The following CNTNAP4 variants were observed in gnomAD, a reference collection of about 807,000 sequenced individuals.
CNTNAP4 encodes contactin associated protein family member 4, also known as contactin-associated protein-like 4.
A neutral mutation model predicts 148.4 loss-of-function variants in CNTNAP4; 98 were observed. That is an observed-to-expected ratio of 0.66 (90% CI 0.56 to 0.78). CNTNAP4 has a LOEUF of 0.78. Among genes scored for constraint, CNTNAP4 ranks in the 30% least tolerant of loss-of-function variants. The pLI is 0.00. For synonymous variants in CNTNAP4, 730 were observed against 565.1 expected (o/e 1.29, Z -4.14); for missense variants, 1,935 against 1,565.6 (o/e 1.24, Z -3.98).
intron 15 of CNTNAP4, among the ~76,000 whole-genome samples, chr16:76,516,525 A>G (rs1261770015): frequency 2.6e-5 from 4 of 152,112 alleles, no homozygotes; most frequent in African/African-American, 9.7e-5. Flanking sequence ...ATGGTTTGCA[A>G]CTCTCATACA....
At chr16:76,416,695 T>A (rs897865650) in intron 3 of CNTNAP4, among the ~76,000 whole-genome samples, 4 of 151,332 alleles carry the variant, frequency 2.6e-5, no homozygotes, top group Non-Finnish European at 5.9e-5. Flanking sequence ...TTAAGATGAG[T>A]GTGTCTGCTG....
intron 13 of CNTNAP4, among the ~76,000 whole-genome samples, chr16:76,490,385 A>C (rs1481353858): frequency 6.6e-6 from 1 of 152,214 alleles, no homozygotes; most frequent in Non-Finnish European, 1.5e-5. Flanking sequence ...AGGAGGAATC[A>C]GAAAACCATC....
chr16:76,362,779 CA>C (rs924959335), intron 3 of CNTNAP4, among the ~76,000 whole-genome samples: 2 of 151,982 alleles, frequency 1.3e-5, no homozygotes, highest in African/African-American at 4.8e-5. Context: ...GGGTGAGGAT[CA>C]AAAAACTACC....
chr16:76,466,608 T>C (rs1041162520), intron 9 of CNTNAP4, among the ~76,000 whole-genome samples: 3 of 152,062 alleles, frequency 2.0e-5, no homozygotes, highest in Admixed American at 1.3e-4. Flanking sequence ...TCCACTTGGA[T>C]AGAGAAACAT....
intron 1 of CNTNAP4, among the ~76,000 whole-genome samples, chr16:76,297,004 C>T (rs1451979960): frequency 5.9e-5 from 9 of 152,142 alleles, no homozygotes; most frequent in Non-Finnish European, 2.9e-5. Flanking sequence ...TGAAGAAAAA[C>T]CCAGAAGGTT....
chr16:76,450,781 G>T (rs2080434169), intron 7 of CNTNAP4, among the ~76,000 whole-genome samples: 1 of 152,180 alleles, frequency 6.6e-6, no homozygotes. Flanking sequence ...AAATATAGCT[G>T]TCTTGGTTAG....
rs148236053 is a variant in CNTNAP4, at chr16:76,560,540, T to C, written c.*1857T>C. The stretch of plus-strand genomic sequence containing the variant: ...AACATCATTATATCTCTGAATCTTT[T>C]GCAGATGTTCATGTTATTTAGTAGC... On this transcript the variant is annotated 3_prime_UTR_variant, in exon 24 of 24. Coordinates refer to ENST00000611870, the MANE Select transcript of CNTNAP4 (RefSeq NM_033401.5). 2.4e-4 allele frequency among the ~76,000 whole-genome samples: 36 copies of C among 152,302 alleles called. No individual in the cohort carries two copies. Among genetic ancestry groups the C allele is most frequent in the African/African-American group, 7.2e-4 (30 of 41,572 alleles).
At position 76,535,694 on chromosome 16, in the gene CNTNAP4, T is replaced by C. The variant is rs1425873220; in HGVS notation, c.2905T>C (p.Cys969Arg). Residue 969 changes from cysteine (C) to arginine (R), a missense_variant, in exon 18 of 24, where the codon TGC becomes CGC. Physicochemically the swap from Cys to Arg is radical, Grantham distance 180. Transcript: ENST00000611870. ...ACATTGCAGCAGCTATGGGAAGTTA[T>C]GCCGCAATGGAGGGAAATGCAGAGA... ...RGHCSSYGKLCRNGGKCRERP... is the reference protein window; with the variant it reads ...RGHCSSYGKLRRNGGKCRERP... 1 of 1,614,016 alleles carries C rather than the reference T, an allele frequency of 6.2e-7. No individual in the cohort carries two copies. Among genetic ancestry groups the C allele is most frequent in the Non-Finnish European group, 8.5e-7 (1 of 1,179,898 alleles).
chr16:76,291,472 C>T (rs959758391), intron 1 of CNTNAP4, among the ~76,000 whole-genome samples: 8 of 152,170 alleles, frequency 5.3e-5, no homozygotes, highest in African/African-American at 1.9e-4. Context: ...GATATCCCAA[C>T]ATTTCCATAG....
At chr16:76,351,035 T>A (rs1390597418) in intron 2 of CNTNAP4, among the ~76,000 whole-genome samples, 1 of 152,004 alleles carries the variant, frequency 6.6e-6, no homozygotes, top group Non-Finnish European at 1.5e-5. Context: ...ATGGAAGAGA[T>A]GGGGTTGAGA....
chr16:76,337,968 T>A (rs1392519792), intron 2 of CNTNAP4, among the ~76,000 whole-genome samples: 1 of 152,214 alleles, frequency 6.6e-6, no homozygotes, highest in Non-Finnish European at 1.5e-5. Flanking sequence ...TTTTTCAGGG[T>A]GCCCTGATTT....
intron 3 of CNTNAP4, among the ~76,000 whole-genome samples, chr16:76,416,808 C>A (rs2079001604): frequency 6.6e-6 from 1 of 151,310 alleles, no homozygotes; most frequent in African/African-American, 2.4e-5. Context: ...CTTGATACAT[C>A]AATTATTCCA....
At chr16:76,426,597 G>T (rs4477750) in intron 3 of CNTNAP4, among the ~76,000 whole-genome samples, 114,601 of 152,080 alleles carry the variant, frequency 0.75, 44,200 homozygotes, top group Non-Finnish European at 0.85. Context: ...AAATGTTGGG[G>T]GCTGCAGTAT....
rs568561287 is a variant in CNTNAP4, at chr16:76,431,641, T to C, written c.538+4042T>C. On this transcript the variant is annotated intron_variant, in intron 4 of 23. Transcript: ENST00000611870. ...TTGCAGTGAACCGAAATCATCCCACTGCACTTCAGCCTGGGCAGCAGAGTG... is the reference window on the plus strand; with the variant it reads ...TTGCAGTGAACCGAAATCATCCCACCGCACTTCAGCCTGGGCAGCAGAGTG... Among the ~76,000 whole-genome samples, 564 of 152,182 alleles carry C rather than the reference T, an allele frequency of 3.7e-3. 5 individuals are homozygous for C. Among genetic ancestry groups the C allele is most frequent in the African/African-American group, 0.013 (540 of 41,538 alleles).
rs1313207922 is a variant in CNTNAP4 at position 76,506,422 on chromosome 16, TCCTCCCTTC to T, written c.2365+7732_2365+7740del. 1.2e-4 allele frequency among the ~76,000 whole-genome samples: 6 copies of T among 48,184 alleles called. 1 individual carries two copies. Among genetic ancestry groups the T allele is most frequent in the African/African-American group, 3.5e-4 (6 of 17,002 alleles). 31.6% of individuals were successfully genotyped at this position (48,184 alleles called of 152,430 possible). A position where few individuals can be genotyped will look rare whatever the true frequency, so the allele number is the denominator to read the frequency against. The stretch of plus-strand genomic sequence containing the variant: ...TTCTTTCCTCCCTTCCTCCCTTCCT[TCCTCCCTTC>T]CCTTCCCTTCCCTTCTTCCCTCCCC... On this transcript the variant is annotated intron_variant, in intron 15 of 23. Transcript: ENST00000611870.
intron 12 of CNTNAP4, among the ~76,000 whole-genome samples, chr16:76,481,197 T>C (rs919175219): frequency 1.3e-5 from 2 of 152,292 alleles, no homozygotes; most frequent in East Asian, 1.9e-4. Flanking sequence ...TAAATGTCAG[T>C]AAAAGGAGTA....
At chr16:76,382,281 G>A (rs1033753640) in intron 3 of CNTNAP4, among the ~76,000 whole-genome samples, 3 of 152,010 alleles carry the variant, frequency 2.0e-5, no homozygotes, top group African/African-American at 7.2e-5. Flanking sequence ...ACTATTTGTT[G>A]TTTATTTCAA....
chr16:76,358,923 C>T (rs895725027), intron 3 of CNTNAP4, among the ~76,000 whole-genome samples: 1 of 151,916 alleles, frequency 6.6e-6, no homozygotes, highest in Non-Finnish European at 1.5e-5. Flanking sequence ...TCCTGTTAAT[C>T]CTAGGTAGCT....
At chr16:76,308,720 C>T (rs957694166) in intron 1 of CNTNAP4, among the ~76,000 whole-genome samples, 1 of 152,228 alleles carries the variant, frequency 6.6e-6, no homozygotes, top group African/African-American at 2.4e-5. Flanking sequence ...TTTGACATCT[C>T]CCCGAGGTGA....
Sources: gnomAD v4.1 joint callset for allele counts (sites outside exome capture counted in the v4.1 genomes callset) on GRCh38, gnomAD v4.1.1 for gene constraint, MANE v1.5 for transcripts, NCBI Gene and HGNC (gene_info 2026-07-23, HGNC 2026-07-21) for gene names.